The following PTPRN2 variants were observed in gnomAD, a reference collection of about 807,000 sequenced individuals.
PTPRN2 encodes receptor-type tyrosine-protein phosphatase N2.
A neutral mutation model predicts 118.8 loss-of-function variants in PTPRN2; 74 were observed. That is an observed-to-expected ratio of 0.62 (90% confidence interval 0.52 to 0.76). The LOEUF (loss-of-function observed/expected upper bound fraction) is 0.76, where lower values mean the gene tolerates loss of function less well. Among genes scored for constraint, PTPRN2 ranks in the 30% least tolerant of loss-of-function variants. The probability of loss-of-function intolerance (pLI) is 0.00; values close to 1 mark genes in which losing one functional copy is unlikely to be tolerated. For missense variants in PTPRN2, 1,481 were observed against 1,394.4 expected (o/e 1.06, Z -0.99); for synonymous variants, 641 against 608.0 (o/e 1.05, Z -0.80).
chr7:158,079,849 G>A (rs185315574), intron 11 of PTPRN2, among the ~76,000 whole-genome samples: 14 of 152,138 alleles, frequency 9.2e-5, no homozygotes, highest in South Asian at 6.2e-4. Context: ...GCACTGGACC[G>A]CCCAGCTGGA....
At chr7:158,230,873 T>C (rs373738545) in intron 3 of PTPRN2, among the ~76,000 whole-genome samples, 3 of 152,272 alleles carry the variant, frequency 2.0e-5, no homozygotes, top group South Asian at 4.1e-4. Flanking sequence ...TTAAAAGATA[T>C]AGAATGGCTG....
At chr7:158,177,833 C>T (rs55777186) in intron 5 of PTPRN2, among the ~76,000 whole-genome samples, 17,840 of 152,228 alleles carry the variant, frequency 0.12, 1,316 homozygotes, top group Non-Finnish European at 0.17. Flanking sequence ...CATGAAGATA[C>T]GTGTGTAAAT....
chr7:158,269,183 C>T (rs1798130106), intron 3 of PTPRN2, among the ~76,000 whole-genome samples: 1 of 152,086 alleles, frequency 6.6e-6, no homozygotes, highest in Non-Finnish European at 1.5e-5. Flanking sequence ...CCAAAGGGGC[C>T]TCCTAGGAGC....
At chr7:158,199,891 C>T (rs942233967) in intron 4 of PTPRN2, among the ~76,000 whole-genome samples, 6 of 152,158 alleles carry the variant, frequency 3.9e-5, no homozygotes, top group African/African-American at 1.4e-4. Flanking sequence ...CCTTATCATG[C>T]AGCAGGAATC....
rs1828222802 is a variant in PTPRN2, at chr7:158,574,593, C to T, written c.112+12965G>A. Among the ~76,000 whole-genome samples the T allele has an allele frequency of 6.6e-6, 1 of 152,212 alleles. No homozygotes were observed. Among genetic ancestry groups the T allele is most frequent in the South Asian group, 2.1e-4 (1 of 4,834 alleles). On this transcript the variant is annotated intron_variant, in intron 1 of 22. Coordinates refer to ENST00000389418, the MANE Select transcript of PTPRN2 (RefSeq NM_002847.5). The surrounding 1 kb of genome is among the most constrained non-coding windows in gnomAD (Gnocchi z 4.6). ...TTCCTTCCTAAGGTTAGATGTGGGG[C>T]AGCTCTGGCAGAAGAGTGATAGGAT...
intron 12 of PTPRN2, among the ~76,000 whole-genome samples, chr7:157,803,907 T>G (rs780040715): frequency 6.6e-6 from 1 of 152,050 alleles, no homozygotes; most frequent in South Asian, 2.1e-4. Context: ...ATATGTCAAC[T>G]TTTCTTTTTG....
intron 11 of PTPRN2, among the ~76,000 whole-genome samples, chr7:157,920,774 T>C (rs757903953): frequency 1.3e-5 from 2 of 152,094 alleles, no homozygotes; most frequent in Non-Finnish European, 2.9e-5. Flanking sequence ...CAGAAATTAA[T>C]GCAAAGTTAG....
chr7:158,006,559 A>C (rs1480712185), intron 11 of PTPRN2, among the ~76,000 whole-genome samples: 1 of 152,184 alleles, frequency 6.6e-6, no homozygotes, highest in Non-Finnish European at 1.5e-5. Context: ...ATGCAGACAC[A>C]CTTATCACTC....
intron 11 of PTPRN2, among the ~76,000 whole-genome samples, chr7:158,024,463 C>A (rs1463673296): frequency 6.6e-6 from 1 of 152,184 alleles, no homozygotes; most frequent in Non-Finnish European, 1.5e-5. Flanking sequence ...GAAAAAAATG[C>A]CAAAATGATT....
At chr7:158,053,829 T>TGCAGAGACCCCAGAGAC (rs1563365937) in intron 11 of PTPRN2, among the ~76,000 whole-genome samples, 5 of 142,430 alleles carry the variant, frequency 3.5e-5, no homozygotes, top group Non-Finnish European at 7.6e-5. Flanking sequence ...ACCCCAGAGA[T>TGCAGAGACCCCAGAGAC]GCAGAGACCC....
chr7:158,356,325 C>T (rs941782762), intron 2 of PTPRN2, among the ~76,000 whole-genome samples: 1 of 152,196 alleles, frequency 6.6e-6, no homozygotes, highest in Admixed American at 6.5e-5. Flanking sequence ...TCTTTTTCCC[C>T]TTTCATCCTG....
At chr7:158,202,850 T>C (rs1826743800) in intron 4 of PTPRN2, among the ~76,000 whole-genome samples, 1 of 152,130 alleles carries the variant, frequency 6.6e-6, no homozygotes, top group African/African-American at 2.4e-5. Context: ...GCCTGAAATA[T>C]AAAGAACCTA....
intron 3 of PTPRN2, among the ~76,000 whole-genome samples, chr7:158,274,980 G>A (rs559072155): frequency 1.5e-4 from 23 of 152,310 alleles, no homozygotes; most frequent in South Asian, 8.3e-4. Flanking sequence ...CTCCTGGGGC[G>A]TAGCAGAGTC....
intron 10 of PTPRN2, among the ~76,000 whole-genome samples, chr7:158,104,831 C>T (rs1194719709): frequency 6.7e-6 from 1 of 149,780 alleles, no homozygotes; most frequent in Non-Finnish European, 1.5e-5. Context: ...CATCAAACTC[C>T]ATCCCAGCTC....
At chr7:158,473,751 G>A (rs1820037927) in intron 2 of PTPRN2, among the ~76,000 whole-genome samples, 1 of 151,900 alleles carries the variant, frequency 6.6e-6, no homozygotes, top group Non-Finnish European at 1.5e-5. Flanking sequence ...CTGTCTAACA[G>A]TCAACCATGA....
intron 12 of PTPRN2, among the ~76,000 whole-genome samples, chr7:157,841,820 G>T (rs1808443004): frequency 6.6e-6 from 1 of 152,152 alleles, no homozygotes; most frequent in Admixed American, 6.5e-5. Flanking sequence ...GTCCTCTCTG[G>T]TTATCAGGAG....
chr7:158,441,105 G>A (rs1027716693), intron 2 of PTPRN2, among the ~76,000 whole-genome samples: 3 of 149,962 alleles, frequency 2.0e-5, no homozygotes, highest in Admixed American at 6.6e-5. Context: ...AGGGGTGGTA[G>A]TGATGGTGAT....
rs577136580 is a variant in PTPRN2, at chr7:157,613,019, G to A, written c.2344+8343C>T. Among the ~76,000 whole-genome samples, 2 of 152,324 alleles carry A rather than the reference G, an allele frequency of 1.3e-5. 1 individual carries two copies. The highest frequency in any genetic ancestry group is 4.1e-4 in the South Asian group (2 of 4,830). On this transcript the variant is annotated intron_variant, in intron 15 of 22. Transcript: ENST00000389418. ...ACTGACAGGGAGAGTCCCTGAGGAG[G>A]GGCCGGGGTGCTTCCGGCCTGGGTG...
chr7:157,989,407 A>G (rs1804069542), intron 11 of PTPRN2, among the ~76,000 whole-genome samples: 1 of 152,210 alleles, frequency 6.6e-6, no homozygotes, highest in Non-Finnish European at 1.5e-5. Flanking sequence ...TGACAGAGCA[A>G]GACCACACCT....
Sources: allele counts gnomAD v4.1 joint callset (sites outside exome capture counted in the v4.1 genomes callset), GRCh38; gene constraint gnomAD v4.1.1; non-coding constraint Gnocchi (gnomAD v3.1); transcripts MANE v1.5; gene names NCBI Gene and HGNC (gene_info 2026-07-23, HGNC 2026-07-21).